The following NRCAM variants were observed in gnomAD, a reference collection of about 807,000 sequenced individuals.
NRCAM encodes NgCAM-related cell adhesion molecule.
In NRCAM, 83 loss-of-function variants were observed where a neutral mutation model predicts 156.5. The observed-to-expected ratio is 0.53, with a 90% confidence interval of 0.44 to 0.64. The LOEUF (loss-of-function observed/expected upper bound fraction) is 0.64. NRCAM is among the 30% of genes least tolerant of loss of function. The pLI, the probability that NRCAM is intolerant of heterozygous loss-of-function variation, is 0.00. For missense variants in NRCAM, 1,417 were observed against 1,597.3 expected, an observed-to-expected ratio of 0.89 and a Z score of 1.92; for synonymous variants, 538 against 563.9, an observed-to-expected ratio of 0.95 and a Z score of 0.65.
At chr7:108,381,561 CT>C (rs71522870) in intron 2 of NRCAM, among the ~76,000 whole-genome samples, 16,545 of 125,780 alleles carry the variant, frequency 0.13, 1,341 homozygotes, top group African/African-American at 0.28. Context: ...TTTTTTTTTT[CT>C]TTTTTTTTTT....
intron 30 of NRCAM, among the ~76,000 whole-genome samples, chr7:108,162,435 A>G (rs555361957): frequency 2.3e-4 from 35 of 152,346 alleles, no homozygotes; most frequent in African/African-American, 8.2e-4. Context: ...TAAGCATTTG[A>G]CTATAGTTCT....
At chr7:108,436,434 TGTGGC>T (rs1832301926) in intron 1 of NRCAM, among the ~76,000 whole-genome samples, 1 of 152,222 alleles carries the variant, frequency 6.6e-6, no homozygotes, top group Admixed American at 6.5e-5. Flanking sequence ...TCCAAAGAGC[TGTGGC>T]CTTTAAGAGA....
chr7:108,223,999 T>A (rs2153690914), intron 10 of NRCAM, among the ~76,000 whole-genome samples, 163 bp from the exon 11 acceptor site: 1 of 152,342 alleles, frequency 6.6e-6, no homozygotes, highest in Non-Finnish European at 1.5e-5. Flanking sequence ...CTCTGCGTTA[T>A]AAGTAGTCAT....
At chr7:108,374,812 TGA>T (rs2099665124) in intron 2 of NRCAM, among the ~76,000 whole-genome samples, 1 of 152,088 alleles carries the variant, frequency 6.6e-6, no homozygotes, top group Non-Finnish European at 1.5e-5. Flanking sequence ...TCATGATCAA[TGA>T]TTAGGGAGAG....
intron 2 of NRCAM, among the ~76,000 whole-genome samples, chr7:108,396,401 C>A (rs144137713): frequency 6.6e-6 from 1 of 152,162 alleles, no homozygotes; most frequent in Admixed American, 6.6e-5. Flanking sequence ...ACCTACAACT[C>A]GCGTGTATGT....
rs546816684 is a variant in NRCAM, at chr7:108,307,905, C to T, written c.-107+4760G>A. On this transcript the variant is annotated intron_variant, in intron 3 of 32. Coordinates refer to ENST00000379028, the MANE Select transcript of NRCAM (RefSeq NM_001037132.4). ...GAAGGAAGAGACATGATAAAATACC[C>T]GCAGAACCTAGGCACACATGTCTAC... Among the ~76,000 whole-genome samples the T allele has an allele frequency of 2.0e-5, 3 of 152,254 alleles. No individual in the cohort carries two copies. In the South Asian group the frequency reaches 6.2e-4, roughly 32 times the overall value.
intron 1 of NRCAM, among the ~76,000 whole-genome samples, chr7:108,411,274 G>A (rs1350927313): frequency 1.3e-5 from 2 of 151,482 alleles, no homozygotes; most frequent in Non-Finnish European, 2.9e-5. Flanking sequence ...GATACATTTT[G>A]GCTTTTATTT....
At chr7:108,344,125 C>T (rs34427132) in intron 2 of NRCAM, among the ~76,000 whole-genome samples, 43,588 of 151,906 alleles carry the variant, frequency 0.29, 6,753 homozygotes, top group East Asian at 0.56. Flanking sequence ...CATCGGCCAA[C>T]CTCCCCAACA....
chr7:108,455,366 A>G (rs1351859597), intron 1 of NRCAM, among the ~76,000 whole-genome samples: 1 of 152,098 alleles, frequency 6.6e-6, no homozygotes, highest in Non-Finnish European at 1.5e-5. Flanking sequence ...CAGGGCGGGT[A>G]ATCACTCCTG....
intron 2 of NRCAM, among the ~76,000 whole-genome samples, chr7:108,376,312 CAA>C (rs2099675480): frequency 2.0e-5 from 3 of 152,180 alleles, no homozygotes; most frequent in Admixed American, 2.0e-4. Context: ...GCTCCTGCTG[CAA>C]GAGAACACCT....
At chr7:108,176,211 T>C (rs2060442847) in intron 27 of NRCAM, among the ~76,000 whole-genome samples, 1 of 152,158 alleles carries the variant, frequency 6.6e-6, no homozygotes, top group Admixed American at 6.5e-5. Context: ...CACACTAAGA[T>C]TTTAATGTAA....
intron 2 of NRCAM, among the ~76,000 whole-genome samples, chr7:108,340,665 A>C (rs370029526): frequency 3.3e-5 from 5 of 152,316 alleles, no homozygotes; most frequent in South Asian, 4.1e-4. Context: ...GCATGCTAGA[A>C]GGACTAAGGA....
rs1159622251 is a variant in NRCAM at position 108,416,284 on chromosome 7, T to C, written c.-331-16691A>G. Among the ~76,000 whole-genome samples, 6 of 152,346 alleles carry C rather than the reference T, an allele frequency of 3.9e-5. No individual in the cohort carries two copies. In the East Asian group the frequency reaches 5.8e-4, roughly 15 times the overall value. On this transcript the variant is annotated intron_variant, in intron 1 of 32. Coordinates refer to ENST00000379028, the MANE Select transcript of NRCAM (RefSeq NM_001037132.4). Reference sequence around the variant, plus strand: ...GCAGAAAAACAGCACATTTCTTTTATAGTATCATAGTGTCTATTTTAATCA... The same window carrying C: ...GCAGAAAAACAGCACATTTCTTTTACAGTATCATAGTGTCTATTTTAATCA...
At chr7:108,455,160 T>G (rs7811808) in intron 1 of NRCAM, among the ~76,000 whole-genome samples, 38,229 of 151,906 alleles carry the variant, frequency 0.25, 5,176 homozygotes, top group Non-Finnish European at 0.31. Context: ...GGACACCGCT[T>G]TGGGAGAAAT....
chr7:108,263,377 G>GA (rs1217169046), intron 3 of NRCAM, among the ~76,000 whole-genome samples: 2 of 152,224 alleles, frequency 1.3e-5, no homozygotes, highest in Non-Finnish European at 2.9e-5. Context: ...CCAAAGGTTA[G>GA]AAAGAAAGAA....
chr7:108,429,607 G>T (rs941635533), intron 1 of NRCAM, among the ~76,000 whole-genome samples: 2 of 152,198 alleles, frequency 1.3e-5, no homozygotes, highest in African/African-American at 2.4e-5. Flanking sequence ...GTGTTTCAGG[G>T]TGCCCATGAT....
chr7:108,358,761 C>G (rs1324334817), intron 2 of NRCAM, among the ~76,000 whole-genome samples: 1 of 152,206 alleles, frequency 6.6e-6, no homozygotes, highest in East Asian at 1.9e-4. Flanking sequence ...GCAAAACGAA[C>G]TGAGTACTGC....
chr7:108,241,677 A>C (rs1418736451), intron 3 of NRCAM, among the ~76,000 whole-genome samples: 1 of 152,012 alleles, frequency 6.6e-6, no homozygotes. Context: ...AAATATTTGG[A>C]GGAAAAAAAA....
intron 3 of NRCAM, among the ~76,000 whole-genome samples, chr7:108,286,522 GAAA>G (rs965313443): frequency 6.6e-6 from 1 of 151,988 alleles, no homozygotes; most frequent in African/African-American, 2.4e-5. Flanking sequence ...TAGGAGAAAA[GAAA>G]AAAAGATTTG....
Sources: allele counts gnomAD v4.1 joint callset (sites outside exome capture counted in the v4.1 genomes callset), GRCh38; gene constraint gnomAD v4.1.1; transcripts MANE v1.5; gene names NCBI Gene and HGNC (gene_info 2026-07-23, HGNC 2026-07-21).